PCDH15: variants seen among roughly 807,000 people sequenced by gnomAD.
PCDH15 encodes protocadherin related 15, also known as protocadherin-15.
Under a neutral mutation model 178.5 loss-of-function variants are expected in PCDH15, and 129 were observed. The ratio of observed to expected loss-of-function variants is 0.72; its 90% CI spans 0.63 to 0.84. The LOEUF (loss-of-function observed/expected upper bound fraction) is 0.84, where lower values mean the gene tolerates loss of function less well. PCDH15 is among the 40% of genes least tolerant of loss of function. The pLI is 0.00. For synonymous variants in PCDH15, 800 were observed against 732.0 expected, an observed-to-expected ratio of 1.09 and a Z score of -1.50; for missense variants, 2,230 against 2,099.9, an observed-to-expected ratio of 1.06 and a Z score of -1.21.
chr10:55,254,812 A>C (rs1011614045), intron 1 of PCDH15, among the ~76,000 whole-genome samples: 1 of 152,234 alleles, frequency 6.6e-6, no homozygotes, highest in South Asian at 2.1e-4. Flanking sequence ...CAGCATCTGC[A>C]GGTCTTAACA....
At position 53,809,211 on chromosome 10, in the gene PCDH15, C is replaced by G. The variant is rs531574437; in HGVS notation, c.4671+1345G>C. 1,311 of 1,613,932 alleles carry G rather than the reference C, an allele frequency of 8.1e-4. 20 individuals are homozygous for G. In the South Asian group the frequency reaches 0.014, roughly 17 times the overall value. Reference sequence around the variant, plus strand: ...TAGTCTCAGACTCACTGAACTCAGACTCTTCTTCACTGTATTCAGTATAGT... The same window carrying G: ...TAGTCTCAGACTCACTGAACTCAGAGTCTTCTTCACTGTATTCAGTATAGT... On this transcript the variant is annotated intron_variant, in intron 37 of 37. Transcript: ENST00000644397.
At chr10:53,902,156 C>A (rs2133647994) in intron 26 of PCDH15, among the ~76,000 whole-genome samples, 1 of 152,174 alleles carries the variant, frequency 6.6e-6, no homozygotes, top group Middle Eastern at 3.4e-3. Context: ...TTGTGGATAA[C>A]AACATAAATT....
intron 5 of PCDH15, among the ~76,000 whole-genome samples, chr10:54,358,807 T>G (rs888308758): frequency 1.1e-4 from 17 of 151,788 alleles, no homozygotes; most frequent in South Asian, 2.1e-4. Flanking sequence ...GTGGCACATA[T>G]ACACCATGGA....
chr10:54,118,266 A>C (rs950045535), intron 15 of PCDH15, among the ~76,000 whole-genome samples: 3 of 152,214 alleles, frequency 2.0e-5, no homozygotes, highest in Admixed American at 2.0e-4. Flanking sequence ...ATCATTGACA[A>C]AGTACACAAA....
At chr10:54,067,165 A>G (rs2094151143) in intron 17 of PCDH15, among the ~76,000 whole-genome samples, 1 of 152,130 alleles carries the variant, frequency 6.6e-6, no homozygotes, top group African/African-American at 2.4e-5. Flanking sequence ...AAACGGTTTT[A>G]CCTTTATCTT....
At chr10:54,032,771 C>G (rs2093328323) in intron 18 of PCDH15, among the ~76,000 whole-genome samples, 1 of 151,922 alleles carries the variant, frequency 6.6e-6, no homozygotes, top group Non-Finnish European at 1.5e-5. Context: ...AAATAACTTC[C>G]CAGAAACTGG....
chr10:53,972,981 C>T (rs1234879007), intron 21 of PCDH15, among the ~76,000 whole-genome samples: 2 of 152,122 alleles, frequency 1.3e-5, no homozygotes, highest in Admixed American at 6.5e-5. Flanking sequence ...GCTATAAAGA[C>T]ACATGCACAC....
intron 3 of PCDH15, among the ~76,000 whole-genome samples, chr10:54,885,336 A>C (rs866679879): frequency 9.2e-5 from 14 of 152,186 alleles, no homozygotes; most frequent in Admixed American, 2.6e-4. Context: ...TTTGAAAAAA[A>C]AATAAATTTT....
chr10:54,375,751 T>C (rs1948295069), intron 4 of PCDH15, among the ~76,000 whole-genome samples: 1 of 146,016 alleles, frequency 6.8e-6, no homozygotes, highest in African/African-American at 2.6e-5. Context: ...GTTGGTTCTA[T>C]TTTGATATTC....
chr10:54,887,652 T>C (rs1473543043), intron 3 of PCDH15, among the ~76,000 whole-genome samples: 1 of 152,070 alleles, frequency 6.6e-6, no homozygotes, highest in Non-Finnish European at 1.5e-5. Flanking sequence ...TAAGAAGAAA[T>C]GCATTTTTTT....
chr10:54,078,766 T>TTA (rs398114346), intron 17 of PCDH15, among the ~76,000 whole-genome samples: 2 of 151,520 alleles, frequency 1.3e-5, no homozygotes, highest in African/African-American at 4.9e-5. Context: ...TTTTTTTTTT[T>TTA]AAAGTGAGTT....
chr10:54,326,113 G>T (rs1938020351), intron 7 of PCDH15, among the ~76,000 whole-genome samples: 1 of 152,084 alleles, frequency 6.6e-6, no homozygotes, highest in Admixed American at 6.6e-5. Flanking sequence ...TTTCCATACT[G>T]TAAATGCTCC....
In PCDH15 at chr10:54,737,574, G is replaced by A. The variant is rs184555538; in HGVS notation, c.-29+63351C>T. Among the ~76,000 whole-genome samples the A allele has an allele frequency of 3.6e-4, 55 of 152,062 alleles. 1 individual carries two copies. The South Asian group carries it at 6.6e-3, about 18-fold the overall frequency. ...ATACAAATACTTTGCTGAAAAGTCA[G>A]GGCCATTTTCTTATTCTAATTTTAG... On this transcript the variant is annotated intron_variant, in intron 1 of 37. Transcript: ENST00000644397.
intron 1 of PCDH15, among the ~76,000 whole-genome samples, chr10:54,788,284 T>C (rs1951080145): frequency 6.6e-6 from 1 of 151,760 alleles, no homozygotes; most frequent in Non-Finnish European, 1.5e-5. Flanking sequence ...GAAGAAAAAT[T>C]AGAGGTTAGG....
rs1187860414 is a variant in PCDH15 at position 53,805,639 on chromosome 10, C to T, written c.*940G>A. 6.6e-6 allele frequency: 1 copy of T among 152,026 alleles called. No homozygotes were observed. The highest frequency in any genetic ancestry group is 1.9e-4 in the East Asian group (1 of 5,190). The allele number at this position is 152,026 out of a possible 1,614,324, so 9.4% of individuals were successfully genotyped here. On this transcript the variant is annotated 3_prime_UTR_variant, in exon 38 of 38. Transcript: ENST00000644397. ...TTTATATATTATATACATTTCAACC[C>T]TGCCAAATTCCTTTACTCTGATATG...
chr10:55,357,232 T>G (rs1192093205), intron 2 of PCDH15, among the ~76,000 whole-genome samples: 3 of 151,942 alleles, frequency 2.0e-5, no homozygotes. Flanking sequence ...TTCCTTAATC[T>G]TATCTATGAA....
At chr10:55,435,025 A>T (rs1298873631) in intron 2 of PCDH15, among the ~76,000 whole-genome samples, 5 of 152,244 alleles carry the variant, frequency 3.3e-5, no homozygotes, top group Non-Finnish European at 5.9e-5. Flanking sequence ...CAGTTGGTAA[A>T]TTATAATGAG....
At chr10:54,046,626 C>G (rs965076706) in intron 18 of PCDH15, among the ~76,000 whole-genome samples, 13 of 141,106 alleles carry the variant, frequency 9.2e-5, no homozygotes, top group African/African-American at 3.1e-4. Context: ...ACAAAAAAAC[C>G]CAGGAAATTA....
At chr10:55,464,430 T>G (rs577990196) in intron 2 of PCDH15, among the ~76,000 whole-genome samples, 1 of 151,992 alleles carries the variant, frequency 6.6e-6, no homozygotes, top group South Asian at 2.1e-4. Flanking sequence ...AAAAAGAAGA[T>G]AGGTTCCCCA....
Sources: gnomAD v4.1 joint callset for allele counts (sites outside exome capture counted in the v4.1 genomes callset) on GRCh38, gnomAD v4.1.1 for gene constraint, MANE v1.5 for transcripts, NCBI Gene and HGNC (gene_info 2026-07-23, HGNC 2026-07-21) for gene names.